Variants in FEV observed in about 807,000 individuals in gnomAD.
FEV encodes FEV transcription factor, ETS family member.
A neutral mutation model predicts 20.5 loss-of-function variants in FEV; 14 were observed. The observed-to-expected ratio is 0.68, with a 90% CI of 0.45 to 1.07. The LOEUF is 1.07. Ranked by LOEUF, FEV falls within the 50% of genes least tolerant of loss-of-function variation. The probability of loss-of-function intolerance (pLI) is 0.00; values close to 1 mark genes in which losing one functional copy is unlikely to be tolerated. For missense variants in FEV, 301 were observed against 345.3 expected, an observed-to-expected ratio of 0.87 and a Z score of 1.02; for synonymous variants, 188 against 163.7, an observed-to-expected ratio of 1.15 and a Z score of -1.13.
intron 2 of FEV, among the ~76,000 whole-genome samples, 198 bp from the exon 3 acceptor site, chr2:218,982,454 G>T (rs1249465694): frequency 6.6e-6 from 1 of 152,196 alleles, no homozygotes; most frequent in Non-Finnish European, 1.5e-5. Flanking sequence ...GCCTTACCGC[G>T]CTTTTGCACA....
chr2:218,981,828 C>G lies in FEV; in HGVS notation c.556G>C (p.Gly186Arg). ...TAGGAGAAGCCGGCGGGCGCGACCC[C>G]GGCCGAGGCGGCCATGAGGTTGAGT... The part of the protein sequence containing the change: ...SKLNLMAASA[G>R]VAPAGFSYWP... Residue 186 changes from glycine (G) to arginine (R), a missense_variant, in exon 3 of 3, where the codon GGG becomes CGG. Gly to Arg is a moderately radical substitution (Grantham distance 125). Transcript: ENST00000295727. The surrounding 1 kb of genome is among the most constrained non-coding windows in gnomAD (Gnocchi z 4.5). 1.6e-6 allele frequency: 2 copies of G among 1,237,322 alleles called. No homozygotes were observed. The highest frequency in any genetic ancestry group is 2.0e-6 in the Non-Finnish European group (2 of 995,098). 76.6% of individuals were successfully genotyped at this position (1,237,322 alleles called of 1,614,324 possible). A position where few individuals can be genotyped will look rare whatever the true frequency, so the allele number is the denominator to read the frequency against.
rs1945381085 is a variant in FEV at position 218,981,192 on chromosome 2, G to A, written c.*475C>T. The A allele has an allele frequency of 4.4e-6, 1 of 228,516 alleles. No homozygotes were observed. The highest frequency in any genetic ancestry group is 6.2e-5 in the East Asian group (1 of 16,062). 14.2% of individuals were successfully genotyped at this position (228,516 alleles called of 1,614,324 possible). A position where few individuals can be genotyped will look rare whatever the true frequency, so the allele number is the denominator to read the frequency against. On this transcript the variant is annotated 3_prime_UTR_variant, in exon 3 of 3. Transcript: ENST00000295727. The surrounding 1 kb of genome is among the most constrained non-coding windows in gnomAD (Gnocchi z 4.5). ...AGGGGGCCGTGTGTCACGGAGGACG[G>A]TGGCTTTCACCAAACCTGCTCAGGT...
rs1169121927 is a variant in FEV, at chr2:218,981,864, C to T, written c.520G>A (p.Gly174Ser). ...PAGLAPLPFP[G>S]LSKLNLMAAS... ...GCCATGAGGTTGAGTTTGGAGAGGCCGGGGAAGGGCAGCGGGGCGAGGCCG... is the reference window on the plus strand; with the variant it reads ...GCCATGAGGTTGAGTTTGGAGAGGCTGGGGAAGGGCAGCGGGGCGAGGCCG... The change falls in exon 3 of 3, where the codon GGC becomes AGC. Residue 174 changes from glycine to serine, a missense_variant. Physicochemically the swap from Gly to Ser is moderately conservative, Grantham distance 56 (BLOSUM62 0). Coordinates refer to ENST00000295727, the MANE Select transcript of FEV (RefSeq NM_017521.3). The surrounding 1 kb of genome is among the most constrained non-coding windows in gnomAD (Gnocchi z 4.5). 9 of 1,238,538 alleles carry T rather than the reference C, an allele frequency of 7.3e-6. No individual in the cohort carries two copies. The highest frequency in any genetic ancestry group is 8.0e-6 in the Non-Finnish European group (8 of 996,028). 76.7% of individuals were successfully genotyped at this position (1,238,538 alleles called of 1,614,324 possible).
chr2:218,983,415 C>G (rs780277054), intron 2 of FEV, among the ~76,000 whole-genome samples: 7 of 152,232 alleles, frequency 4.6e-5, no homozygotes, highest in Non-Finnish European at 7.3e-5. Flanking sequence ...CCCATAATTT[C>G]AATCCCAATC....
chr2:218,981,504 T>G lies in FEV; in HGVS notation c.*163A>C. Reference sequence around the variant, plus strand: ...GAGCAAATCTAGTACCAGACAAGGATTGAGGGAGCTTCGGTCCCGTCCCCC... The same window carrying G: ...GAGCAAATCTAGTACCAGACAAGGAGTGAGGGAGCTTCGGTCCCGTCCCCC... On this transcript the variant is annotated 3_prime_UTR_variant, in exon 3 of 3. Coordinates refer to ENST00000295727, the MANE Select transcript of FEV (RefSeq NM_017521.3). The surrounding 1 kb of genome is among the most constrained non-coding windows in gnomAD (Gnocchi z 4.5). 3 of 489,434 alleles carry G rather than the reference T, an allele frequency of 6.1e-6. No individual in the cohort carries two copies. The highest frequency in any genetic ancestry group is 9.6e-6 in the Non-Finnish European group (3 of 311,258). The allele number at this position is 489,434 out of a possible 1,614,324, so 30.3% of individuals were successfully genotyped here.
rs557070541 is a variant in FEV at position 218,981,838 on chromosome 2, G to A, written c.546C>T (p.Ala182=). 1.1e-5 allele frequency: 13 copies of A among 1,236,204 alleles called. No homozygotes were observed. In the South Asian group the frequency reaches 4.3e-4, roughly 41 times the overall value. The allele number at this position is 1,236,204 out of a possible 1,614,324, so 76.6% of individuals were successfully genotyped here. Residue 182 remains alanine, a synonymous_variant, in exon 3 of 3, where the codon GCC becomes GCT. Transcript: ENST00000295727. The surrounding 1 kb of genome is among the most constrained non-coding windows in gnomAD (Gnocchi z 4.5). The part of the protein sequence containing the change: ...FPGLSKLNLM[A]ASAGVAPAGF... ...CGGCGGGCGCGACCCCGGCCGAGGCGGCCATGAGGTTGAGTTTGGAGAGGC... is the reference window on the plus strand; with the variant it reads ...CGGCGGGCGCGACCCCGGCCGAGGCAGCCATGAGGTTGAGTTTGGAGAGGC...
chr2:218,982,067 C>A lies in FEV; in HGVS notation c.317G>T (p.Arg106Leu), dbSNP rs1235991459. 6.2e-7 allele frequency: 1 copy of A among 1,613,732 alleles called. No individual in the cohort carries two copies. Among genetic ancestry groups the A allele is most frequent in the Non-Finnish European group, 8.5e-7 (1 of 1,179,870 alleles). ...CATGATGTTCTTGTCGTAGTAGTAGCGCAGGGCGCGGCTCAGCTTGTCGTA... is the reference window on the plus strand; with the variant it reads ...CATGATGTTCTTGTCGTAGTAGTAGAGCAGGGCGCGGCTCAGCTTGTCGTA... ...MNYDKLSRAL[R>L]YYYDKNIMSK... The change falls in exon 3 of 3, where the codon CGC becomes CTC. Residue 106 changes from arginine (R) to leucine (L), a missense_variant. Transcript: ENST00000295727.
At chr2:218,983,503 G>C (rs1228237401) in intron 2 of FEV, among the ~76,000 whole-genome samples, 2 of 152,202 alleles carry the variant, frequency 1.3e-5, no homozygotes, top group African/African-American at 4.8e-5. Context: ...GCAAGGGAAG[G>C]TTTGGGTACA....
At position 218,984,778 on chromosome 2, in the gene FEV, C is replaced by A. The variant is rs1459570696; in HGVS notation, c.52+246G>T. 6.6e-6 allele frequency among the ~76,000 whole-genome samples: 1 copy of A among 152,110 alleles called. No individual in the cohort carries two copies. The highest frequency in any genetic ancestry group is 2.1e-4 in the South Asian group (1 of 4,818). On this transcript the variant is annotated intron_variant, in intron 1 of 2. Coordinates refer to ENST00000295727, the MANE Select transcript of FEV (RefSeq NM_017521.3). The surrounding 1 kb of genome is among the most constrained non-coding windows in gnomAD (Gnocchi z 5.0). ...CTCAGGCTCCTTCGGGTCCCTGAGT[C>A]CCGGCTCTTGGCCCCCAGGCTCCCA...
Position 218,981,773 on chromosome 2 carries a change from G to A in FEV, c.611C>T (p.Ala204Val). The A allele has an allele frequency of 7.9e-7, 1 of 1,267,564 alleles. No individual in the cohort carries two copies. The highest frequency in any genetic ancestry group is 9.9e-7 in the Non-Finnish European group (1 of 1,013,868). The allele number at this position is 1,267,564 out of a possible 1,614,324, so 78.5% of individuals were successfully genotyped here. ...YWPGPGPAATAAAATAALYPS... is the reference protein window; with the variant it reads ...YWPGPGPAATVAAATAALYPS... ...GTAGAGCGCGGCGGTGGCGGCGGCA[G>A]CGGTGGCGGCGGGGCCCGGGCCCGG... Residue 204 changes from alanine to valine, a missense_variant, in exon 3 of 3, where the codon GCT (alanine) becomes GTT (valine). Transcript: ENST00000295727. The surrounding 1 kb of genome is among the most constrained non-coding windows in gnomAD (Gnocchi z 4.5).
rs1945416706 is a variant in FEV, at chr2:218,984,178, G to A, written c.127+53C>T. On this transcript the variant is annotated intron_variant, in intron 2 of 2. Transcript: ENST00000295727. The surrounding 1 kb of genome is among the most constrained non-coding windows in gnomAD (Gnocchi z 5.0). ...CTGCTCCCACCTACTGTCCGCCTGTGCCCTGACCCCAACCAACCTCGCCTC... is the reference window on the plus strand; with the variant it reads ...CTGCTCCCACCTACTGTCCGCCTGTACCCTGACCCCAACCAACCTCGCCTC... 6.5e-7 allele frequency: 1 copy of A among 1,532,460 alleles called. No individual in the cohort carries two copies. Among genetic ancestry groups the A allele is most frequent in the Non-Finnish European group, 8.8e-7 (1 of 1,130,618 alleles). 94.9% of individuals were successfully genotyped at this position (1,532,460 alleles called of 1,614,324 possible).
In FEV at chr2:218,984,305, T is replaced by C; in HGVS notation, c.53A>G (p.Asp18Gly). ...CTTGAAGAGACCGTCTCCGACGGGATCTGCAAGCAGCAGAAGAAAAGAATC... is the reference window on the plus strand; with the variant it reads ...CTTGAAGAGACCGTCTCCGACGGGACCTGCAAGCAGCAGAAGAAAAGAATC... ...QPLLINMYLP[D>G]PVGDGLFKDG... The change falls in exon 2 of 3, where the codon GAT becomes GGT. Residue 18 changes from aspartate to glycine, a missense_variant and splice_region_variant. By Grantham distance (94) the Asp-to-Gly change is moderately conservative (BLOSUM62 -1). Coordinates refer to ENST00000295727, the MANE Select transcript of FEV (RefSeq NM_017521.3). This position sits in a 1 kb window ranked among gnomAD's most constrained non-coding sequence, Gnocchi z 5.0. 1 of 1,591,850 alleles carries C rather than the reference T, an allele frequency of 6.3e-7. No homozygotes were observed. The highest frequency in any genetic ancestry group is 8.6e-7 in the Non-Finnish European group (1 of 1,168,902).
intron 2 of FEV, among the ~76,000 whole-genome samples, chr2:218,983,924 T>C (rs1346538387): frequency 1.3e-5 from 2 of 152,110 alleles, no homozygotes; most frequent in East Asian, 1.9e-4. Flanking sequence ...GAGCTCCTAC[T>C]ACCAGCAGGG....
At position 218,985,107 on chromosome 2, in the gene FEV, G is replaced by C; in HGVS notation, c.-32C>G. On this transcript the variant is annotated 5_prime_UTR_variant, in exon 1 of 3. Coordinates refer to ENST00000295727, the MANE Select transcript of FEV (RefSeq NM_017521.3). ...CGGGGACTGGGCGGTGGGAGATGGG[G>C]GGGACGGGGAAGGGGGGCGAGGCAG... 6.7e-7 allele frequency: 1 copy of C among 1,488,038 alleles called. No individual in the cohort carries two copies. Among genetic ancestry groups the C allele is most frequent in the South Asian group, 1.3e-5 (1 of 79,846 alleles). The allele number at this position is 1,488,038 out of a possible 1,614,324, so 92.2% of individuals were successfully genotyped here.
Position 218,984,507 on chromosome 2 carries a change from G to A in FEV, c.53-202C>T. Reference sequence around the variant, plus strand: ...CTCCATAGAGCCCAAGTCAGGAAACGCGTCCAGGAAAAAGGAAATCCGCTT... The same window carrying A: ...CTCCATAGAGCCCAAGTCAGGAAACACGTCCAGGAAAAAGGAAATCCGCTT... On this transcript the variant is annotated intron_variant, in intron 1 of 2. Transcript: ENST00000295727. This position sits in a 1 kb window ranked among gnomAD's most constrained non-coding sequence, Gnocchi z 5.0. The A allele has an allele frequency of 2.1e-6, 1 of 486,094 alleles. No individual in the cohort carries two copies. Among genetic ancestry groups the A allele is most frequent in the Admixed American group, 3.7e-5 (1 of 26,764 alleles). 30.1% of individuals were successfully genotyped at this position (486,094 alleles called of 1,614,324 possible).
Position 218,981,844 on chromosome 2 carries a change from G to A in FEV, c.540C>T (p.Leu180=). Residue 180 remains leucine, a synonymous_variant, in exon 3 of 3, where the codon CTC becomes CTT. Coordinates refer to ENST00000295727, the MANE Select transcript of FEV (RefSeq NM_017521.3). This position sits in a 1 kb window ranked among gnomAD's most constrained non-coding sequence, Gnocchi z 4.5. ...LPFPGLSKLN[L]MAASAGVAPA... ...GCGCGACCCCGGCCGAGGCGGCCAT[G>A]AGGTTGAGTTTGGAGAGGCCGGGGA... is the stretch of plus-strand genomic sequence containing the variant. 2 of 1,237,066 alleles carry A rather than the reference G, an allele frequency of 1.6e-6. No homozygotes were observed. The highest frequency in any genetic ancestry group is 2.0e-6 in the Non-Finnish European group (2 of 994,618). 76.6% of individuals were successfully genotyped at this position (1,237,066 alleles called of 1,614,324 possible).
rs1574488067 is a variant in FEV at position 218,984,093 on chromosome 2, C to T, written c.127+138G>A. On this transcript the variant is annotated intron_variant, in intron 2 of 2. Transcript: ENST00000295727. This position sits in a 1 kb window ranked among gnomAD's most constrained non-coding sequence, Gnocchi z 5.0. ...AGCCAAAAACCAAGTGACTGTCTTC[C>T]CAAGGCCTCCGCACAACCAGGCCAG... 12 of 795,046 alleles carry T rather than the reference C, an allele frequency of 1.5e-5. 1 individual carries two copies. In the East Asian group the frequency reaches 3.4e-4, roughly 23 times the overall value. The allele number at this position is 795,046 out of a possible 1,614,324, so 49.2% of individuals were successfully genotyped here. A position where few individuals can be genotyped will look rare whatever the true frequency, so the allele number is the denominator to read the frequency against.
rs1284064025 is a variant in FEV, at chr2:218,984,566, A to G, written c.53-261T>C. 3 of 423,796 alleles carry G rather than the reference A, an allele frequency of 7.1e-6. No individual in the cohort carries two copies. Among genetic ancestry groups the G allele is most frequent in the Admixed American group, 8.1e-5 (2 of 24,656 alleles). The allele number at this position is 423,796 out of a possible 1,614,324, so 26.3% of individuals were successfully genotyped here. On this transcript the variant is annotated intron_variant, in intron 1 of 2. Transcript: ENST00000295727. The surrounding 1 kb of genome is among the most constrained non-coding windows in gnomAD (Gnocchi z 5.0). Reference sequence around the variant, plus strand: ...GGCCGGCTGGAGCCTTATAAAGCCGAGCGGGGAACTGCGCCAGCCGAGCTG... The same window carrying G: ...GGCCGGCTGGAGCCTTATAAAGCCGGGCGGGGAACTGCGCCAGCCGAGCTG...
rs1945428899 is a variant in FEV at position 218,985,152 on chromosome 2, C to A, written c.-77G>T. The A allele has an allele frequency of 1.5e-5, 17 of 1,154,034 alleles. No individual in the cohort carries two copies. Among genetic ancestry groups the A allele is most frequent in the African/African-American group, 1.3e-4 (8 of 62,288 alleles). The allele number at this position is 1,154,034 out of a possible 1,614,324, so 71.5% of individuals were successfully genotyped here. Reference sequence around the variant, plus strand: ...AGGCAGGCTTTGCGCTCGGTGGCACCGATCCCCGCCCGAAGCGACCGCGGG... The same window carrying A: ...AGGCAGGCTTTGCGCTCGGTGGCACAGATCCCCGCCCGAAGCGACCGCGGG... On this transcript the variant is annotated 5_prime_UTR_variant, in exon 1 of 3. Transcript: ENST00000295727.
Sources: gnomAD v4.1 joint callset for allele counts (sites outside exome capture counted in the v4.1 genomes callset) on GRCh38, gnomAD v4.1.1 for gene constraint, Gnocchi (gnomAD v3.1) non-coding constraint, MANE v1.5 for transcripts, NCBI Gene and HGNC (gene_info 2026-07-23, HGNC 2026-07-21) for gene names.